The following VTI1A variants were observed in gnomAD, a reference collection of about 807,000 sequenced individuals.
VTI1A encodes the protein vesicle transport through interaction with t-SNAREs homolog 1A.
VTI1A carries 22 observed loss-of-function variants against 34.9 expected under a neutral mutation model. The ratio of observed to expected loss-of-function variants is 0.63; its 90% confidence interval spans 0.45 to 0.90. VTI1A has a LOEUF of 0.90. VTI1A is among the 40% of genes least tolerant of loss of function. The pLI, the probability that VTI1A is intolerant of heterozygous loss-of-function variation, is 0.00. For missense variants in VTI1A, 268 were observed against 275.6 expected (o/e 0.97, Z 0.20); for synonymous variants, 87 against 97.3 (o/e 0.89, Z 0.62).
chr10:112,569,153 C>CAAAAA (rs112290050), intron 5 of VTI1A, among the ~76,000 whole-genome samples: 3 of 133,938 alleles, frequency 2.2e-5, no homozygotes, highest in Non-Finnish European at 4.8e-5. Context: ...GATTCCATCT[C>CAAAAA]AAAAAAAAAA....
rs1055042882 is a variant in VTI1A at position 112,594,158 on chromosome 10, C to T, written c.427+55828C>T. ...GATTGCCTGACCTTGTGATCCGCCTCGGCCTCCCAAAGTGCTGGGATTACA... is the reference window on the plus strand; with the variant it reads ...GATTGCCTGACCTTGTGATCCGCCTTGGCCTCCCAAAGTGCTGGGATTACA... On this transcript the variant is annotated intron_variant, in intron 5 of 7. Coordinates refer to ENST00000393077, the MANE Select transcript of VTI1A (RefSeq NM_145206.4). Among the ~76,000 whole-genome samples the T allele has an allele frequency of 5.3e-5, 8 of 152,136 alleles. No homozygotes were observed. In the South Asian group the frequency reaches 6.2e-4, roughly 12 times the overall value.
chr10:112,472,746 G>A (rs371413464), intron 3 of VTI1A, among the ~76,000 whole-genome samples: 2 of 152,272 alleles, frequency 1.3e-5, no homozygotes, highest in African/African-American at 4.8e-5. Context: ...GATAGTCTCA[G>A]TGGTAATATG....
chr10:112,517,793 T>G (rs1849840429), intron 3 of VTI1A, among the ~76,000 whole-genome samples: 1 of 152,044 alleles, frequency 6.6e-6, no homozygotes, highest in Non-Finnish European at 1.5e-5. Context: ...CTCAGAACTG[T>G]CAAGGTCATC....
At chr10:112,830,849 A>ATTTTTTTTTTTTTTTTT in the VTI1A span, among the ~76,000 whole-genome samples, 2 of 33,498 alleles carry the variant, frequency 6.0e-5, no homozygotes, top group African/African-American at 2.9e-4. Context: ...ATATATATAT[A>ATTTTTTTTTTTTTTTTT]TTTTTTTTTT....
chr10:112,830,604 C>T, the VTI1A span, among the ~76,000 whole-genome samples: 4 of 150,718 alleles, frequency 2.7e-5, no homozygotes, highest in South Asian at 2.1e-4. Context: ...CCATCATCCA[C>T]GTTATGTGGA....
At chr10:112,624,833 A>G (rs1002499672) in intron 5 of VTI1A, among the ~76,000 whole-genome samples, 1 of 152,192 alleles carries the variant, frequency 6.6e-6, no homozygotes, top group African/African-American at 2.4e-5. Context: ...ATGGTAGCGC[A>G]GGCCTGTGAT....
At chr10:112,830,844 TATA>T in the VTI1A span, among the ~76,000 whole-genome samples, 3,678 of 56,662 alleles carry the variant, frequency 0.065, 248 homozygotes, top group Non-Finnish European at 0.099. Flanking sequence ...TATATATATA[TATA>T]TATTTTTTTT....
intron 7 of VTI1A, among the ~76,000 whole-genome samples, chr10:112,784,269 C>T (rs1008347097): frequency 6.6e-6 from 1 of 152,162 alleles, no homozygotes; most frequent in African/African-American, 2.4e-5. Flanking sequence ...ACTAGTTTTA[C>T]TTTGGAGCCA....
intron 5 of VTI1A, among the ~76,000 whole-genome samples, chr10:112,655,114 A>G (rs1847182016): frequency 1.3e-5 from 2 of 152,204 alleles, no homozygotes; most frequent in South Asian, 4.1e-4. Flanking sequence ...TACTTGATAG[A>G]AATGCAACTT....
At chr10:112,543,172 T>C (rs1031536987) in intron 5 of VTI1A, among the ~76,000 whole-genome samples, 2 of 152,258 alleles carry the variant, frequency 1.3e-5, no homozygotes, top group Non-Finnish European at 2.9e-5. Context: ...GCATGGTTTA[T>C]AATCCTTTGG....
At chr10:112,736,725 G>T (rs1850490829) in intron 7 of VTI1A, 2 of 1,551,476 alleles carry the variant, frequency 1.3e-6, no homozygotes, top group Non-Finnish European at 1.7e-6. Flanking sequence ...GTTCACAGGG[G>T]TTGTTCTGTG....
At chr10:112,819,019 A>G (rs769650034), downstream of VTI1A, among the ~76,000 whole-genome samples, 4 of 152,208 alleles carry the variant, frequency 2.6e-5, no homozygotes, top group Non-Finnish European at 4.4e-5. Flanking sequence ...GCACACTTTA[A>G]TATTTAATTA....
At chr10:112,829,740 A>G in the VTI1A span, among the ~76,000 whole-genome samples, 1 of 152,208 alleles carries the variant, frequency 6.6e-6, no homozygotes, top group Non-Finnish European at 1.5e-5. Context: ...GGCAACAGAG[A>G]AAGACTCCAT....
intron 5 of VTI1A, among the ~76,000 whole-genome samples, chr10:112,613,814 A>G (rs1347392031): frequency 6.6e-6 from 1 of 152,112 alleles, no homozygotes; most frequent in Non-Finnish European, 1.5e-5. Context: ...GCCGTGCACC[A>G]TTTACCCTCT....
At position 112,818,441 on chromosome 10, in the gene VTI1A, CCTCT is replaced by C. The variant is rs1007839566; in HGVS notation, c.*3061_*3064del. ...AAGGAAAAGCAACTGTCTTTCTCTC[CCTCT>C]CTTTCTCCTTTTTTTTTGCACATCT... On this transcript the variant is annotated 3_prime_UTR_variant, in exon 8 of 8. Coordinates refer to ENST00000393077, the MANE Select transcript of VTI1A (RefSeq NM_145206.4). 4.3e-6 allele frequency: 1 copy of C among 231,734 alleles called. No homozygotes were observed. The highest frequency in any genetic ancestry group is 2.2e-5 in the African/African-American group (1 of 45,212). 14.4% of individuals were successfully genotyped at this position (231,734 alleles called of 1,614,324 possible). A position where few individuals can be genotyped will look rare whatever the true frequency, so the allele number is the denominator to read the frequency against.
At chr10:112,615,113 A>G (rs1041039805) in intron 5 of VTI1A, among the ~76,000 whole-genome samples, 4 of 152,220 alleles carry the variant, frequency 2.6e-5, no homozygotes, top group South Asian at 4.1e-4. Context: ...TGTATTGGCA[A>G]TGGGTTAAGG....
the VTI1A span, among the ~76,000 whole-genome samples, chr10:112,829,389 A>G: frequency 6.7e-6 from 1 of 149,494 alleles, no homozygotes; most frequent in Non-Finnish European, 1.5e-5. Flanking sequence ...GCTTGCAGTG[A>G]GCCCAGACCG....
intron 1 of VTI1A, among the ~76,000 whole-genome samples, chr10:112,455,981 A>G (rs1415986105): frequency 6.6e-6 from 1 of 152,068 alleles, no homozygotes; most frequent in Non-Finnish European, 1.5e-5. Flanking sequence ...AGTAATAAGT[A>G]TGTTGCTGCG....
chr10:112,684,137 C>T lies in VTI1A; in HGVS notation c.560+15139C>T, dbSNP rs191774486. 3.4e-3 allele frequency among the ~76,000 whole-genome samples: 509 copies of T among 151,696 alleles called. 3 individuals are homozygous for T. The highest frequency in any genetic ancestry group is 0.014 in the Middle Eastern group (4 of 290). Reference sequence around the variant, plus strand: ...TCATAATTATACTGGCTAAAGGTCACAACTATTAATTGGCATATTTTATTC... The same window carrying T: ...TCATAATTATACTGGCTAAAGGTCATAACTATTAATTGGCATATTTTATTC... On this transcript the variant is annotated intron_variant, in intron 7 of 7. Transcript: ENST00000393077.
Sources: allele counts gnomAD v4.1 joint callset (sites outside exome capture counted in the v4.1 genomes callset), GRCh38; gene constraint gnomAD v4.1.1; transcripts MANE v1.5; gene names NCBI Gene and HGNC (gene_info 2026-07-23, HGNC 2026-07-21).